DTNA: variants seen among roughly 807,000 people sequenced by gnomAD.
The protein encoded by DTNA is dystrobrevin alpha.
DTNA carries 43 observed loss-of-function variants against 100.7 expected under a neutral mutation model. The observed-to-expected ratio is 0.43, with a 90% CI of 0.33 to 0.55. The LOEUF is 0.55. Among genes scored for constraint, DTNA ranks in the 20% least tolerant of loss-of-function variants. DTNA has a pLI of 0.04. For missense variants in DTNA, 798 were observed against 953.9 expected (o/e 0.84, Z 2.15); for synonymous variants, 349 against 347.9 (o/e 1.00, Z -0.04).
chr18:34,563,970 T>C (rs1192779317), intron 1 of DTNA, among the ~76,000 whole-genome samples: 1 of 122,832 alleles, frequency 8.1e-6, no homozygotes, highest in Non-Finnish European at 1.7e-5. Context: ...CTTTCGTATG[T>C]GTGTGTGTGT....
At position 34,864,015 on chromosome 18, in the gene DTNA, C is replaced by G; in HGVS notation, c.1696C>G (p.Arg566Gly). 1 of 1,612,254 alleles carries G rather than the reference C, an allele frequency of 6.2e-7. No homozygotes were observed. The highest frequency in any genetic ancestry group is 8.5e-7 in the Non-Finnish European group (1 of 1,179,346). The change falls in exon 17 of 23, where the codon CGG becomes GGG. Residue 566 changes from arginine to glycine, a missense_variant. Physicochemically the swap from Arg to Gly is moderately radical, Grantham distance 125 (BLOSUM62 -2). Coordinates refer to ENST00000444659, the MANE Select transcript of DTNA (RefSeq NM_001386795.1). ...GAGAATGTCTGCTCTCCAGGAGAGCCGGAGAGAGCTAATGGTCCAGTTGGA... is the reference window on the plus strand; with the variant it reads ...GAGAATGTCTGCTCTCCAGGAGAGCGGGAGAGAGCTAATGGTCCAGTTGGA... ...EQRMSALQES[R>G]RELMVQLEGL...
intron 1 of DTNA, among the ~76,000 whole-genome samples, chr18:34,556,839 A>G (rs1293690891): frequency 1.3e-5 from 2 of 150,842 alleles, no homozygotes; most frequent in East Asian, 1.9e-4. Context: ...GAATCTGACA[A>G]TTATGTGTCT....
At position 34,875,342 on chromosome 18, in the gene DTNA, C is replaced by G. The variant is rs199556035; in HGVS notation, c.1847C>G (p.Thr616Arg). ...TCAGCCTGCTCCACCCCGACGCACA[C>G]GCCGCAGGACTCCCTCACAGGAGTA... ...SASACSTPTH[T>R]PQDSLTGVGG... Residue 616 changes from threonine to arginine, a missense_variant, in exon 18 of 23, where the codon ACG (threonine) becomes AGG (arginine). Transcript: ENST00000444659. 3.1e-6 allele frequency: 5 copies of G among 1,614,232 alleles called. No individual in the cohort carries two copies. The highest frequency in any genetic ancestry group is 3.3e-5 in the Admixed American group (2 of 60,028).
At chr18:34,727,172 G>T (rs917418646) in intron 1 of DTNA, among the ~76,000 whole-genome samples, 1 of 152,208 alleles carries the variant, frequency 6.6e-6, no homozygotes, top group Admixed American at 6.5e-5. Context: ...GGCTTCACAG[G>T]GCAGCAGGGT....
At position 34,889,497 on chromosome 18, in the gene DTNA, C is replaced by T. The variant is rs867775815; in HGVS notation, c.*1763C>T. On this transcript the variant is annotated 3_prime_UTR_variant, in exon 23 of 23. Coordinates refer to ENST00000444659, the MANE Select transcript of DTNA (RefSeq NM_001386795.1). ...TAAGCAAGAAAGGTTCTGTGATTCA[C>T]TTTTGCTTCTGGGGCTGGCAAAAAC... The T allele has an allele frequency of 6.1e-6, 6 of 985,458 alleles. No homozygotes were observed. Among genetic ancestry groups the T allele is most frequent in the African/African-American group, 3.5e-5 (2 of 57,364 alleles). 61.0% of individuals were successfully genotyped at this position (985,458 alleles called of 1,614,324 possible).
At chr18:34,587,536 A>T (rs1025467413) in intron 1 of DTNA, among the ~76,000 whole-genome samples, 7 of 152,128 alleles carry the variant, frequency 4.6e-5, no homozygotes, top group African/African-American at 1.7e-4. Flanking sequence ...TATATTTGAT[A>T]TAAAGTATAT....
intron 1 of DTNA, among the ~76,000 whole-genome samples, chr18:34,610,282 A>G (rs908061322): frequency 6.6e-6 from 1 of 152,190 alleles, no homozygotes; most frequent in Non-Finnish European, 1.5e-5. Context: ...GAACTGGGAT[A>G]AGTCAAACCA....
intron 1 of DTNA, among the ~76,000 whole-genome samples, chr18:34,628,505 A>G (rs374262481): frequency 1.3e-5 from 2 of 152,214 alleles, no homozygotes; most frequent in South Asian, 2.1e-4. Flanking sequence ...TACTTACACA[A>G]TGTTCAAATT....
intron 1 of DTNA, among the ~76,000 whole-genome samples, chr18:34,547,502 G>T (rs1237990810): frequency 6.6e-6 from 1 of 152,078 alleles, no homozygotes; most frequent in Non-Finnish European, 1.5e-5. Flanking sequence ...GAATTACTCT[G>T]TGCTCTGACC....
At chr18:34,760,896 T>C (rs1360839795) in intron 2 of DTNA, among the ~76,000 whole-genome samples, 1 of 152,194 alleles carries the variant, frequency 6.6e-6, no homozygotes, top group African/African-American at 2.4e-5. Flanking sequence ...GTCCTGTGGA[T>C]ATCTTACTTG....
intron 1 of DTNA, among the ~76,000 whole-genome samples, chr18:34,652,470 T>C (rs1282716528): frequency 6.6e-6 from 1 of 152,194 alleles, no homozygotes; most frequent in Admixed American, 6.5e-5. Context: ...TTTCCTTGAC[T>C]GGAATGTTCT....
intron 1 of DTNA, chr18:34,557,913 G>C (rs1485687105): frequency 6.5e-6 from 1 of 153,188 alleles, no homozygotes; most frequent in South Asian, 2.0e-4. Context: ...CTAGCTTCCC[G>C]GCTGCTTTGT....
At chr18:34,681,695 AACACACACACACAC>A (rs71813996) in intron 1 of DTNA, among the ~76,000 whole-genome samples, 6 of 142,996 alleles carry the variant, frequency 4.2e-5, no homozygotes, top group Non-Finnish European at 7.7e-5. Flanking sequence ...CCCTATACAC[AACACACACACACAC>A]ACACACACAC....
In DTNA at chr18:34,878,481, C is replaced by CT. The variant is rs577074077; in HGVS notation, c.1993+680dup. ...TTATAGGGTCAAGTGTATTATTTAT[C>CT]TTTTTTTGAGATGGGGTCTTGCCTT... is the stretch of plus-strand genomic sequence containing the variant. On this transcript the variant is annotated intron_variant, in intron 19 of 22. Coordinates refer to ENST00000444659, the MANE Select transcript of DTNA (RefSeq NM_001386795.1). Among the ~76,000 whole-genome samples, 51 of 152,096 alleles carry CT rather than the reference C, an allele frequency of 3.4e-4. No homozygotes were observed. In the East Asian group the frequency reaches 4.6e-3, roughly 14 times the overall value.
chr18:34,556,523 C>T (rs1465576716), intron 1 of DTNA, among the ~76,000 whole-genome samples: 6 of 151,928 alleles, frequency 3.9e-5, no homozygotes, highest in African/African-American at 1.5e-4. Context: ...TGTTCCTTTC[C>T]ATGTTTAGTG....
chr18:34,735,009 G>A (rs1033381670), intron 1 of DTNA, among the ~76,000 whole-genome samples: 1 of 152,030 alleles, frequency 6.6e-6, no homozygotes, highest in African/African-American at 2.4e-5. Context: ...ATCTGTATTA[G>A]TCAGGGTTGT....
At chr18:34,862,217 G>A (rs1191357065) in intron 16 of DTNA, among the ~76,000 whole-genome samples, 1 of 150,302 alleles carries the variant, frequency 6.7e-6, no homozygotes, top group Admixed American at 6.6e-5. Context: ...TTTGAAATTA[G>A]AATGCTTCAA....
intron 1 of DTNA, among the ~76,000 whole-genome samples, chr18:34,658,025 T>C (rs1003748101): frequency 6.6e-6 from 1 of 152,198 alleles, no homozygotes; most frequent in African/African-American, 2.4e-5. Flanking sequence ...ATTGGCTGAC[T>C]TCAGAGTCTC....
In DTNA at chr18:34,820,777, CTTCT is replaced by C; in HGVS notation, c.877-12_877-9del. ...ATTAGCTGTTGTCACTTCTGCCTTCCTTCTTCTTTCCAGAAATCACCTGCTAAGA... is the reference window on the plus strand; with the variant it reads ...ATTAGCTGTTGTCACTTCTGCCTTCCTCTTTCCAGAAATCACCTGCTAAGA... On this transcript the variant is annotated splice_polypyrimidine_tract_variant and intron_variant, in intron 8 of 22. Coordinates refer to ENST00000444659, the MANE Select transcript of DTNA (RefSeq NM_001386795.1). 6.2e-7 allele frequency: 1 copy of C among 1,614,098 alleles called. No homozygotes were observed. The highest frequency in any genetic ancestry group is 8.5e-7 in the Non-Finnish European group (1 of 1,179,982).
Sources: allele counts gnomAD v4.1 joint callset (sites outside exome capture counted in the v4.1 genomes callset), GRCh38; gene constraint gnomAD v4.1.1; transcripts MANE v1.5; gene names NCBI Gene and HGNC (gene_info 2026-07-23, HGNC 2026-07-21).